The following GIGYF2 variants were observed in gnomAD, a reference collection of about 807,000 sequenced individuals.
GIGYF2 encodes GRB10 interacting GYF protein 2, also known as GRB10-interacting GYF protein 2.
A neutral mutation model predicts 208.1 loss-of-function variants in GIGYF2; 25 were observed. The observed-to-expected ratio is 0.12, with a 90% CI of 0.09 to 0.17. The LOEUF (loss-of-function observed/expected upper bound fraction) is 0.17. GIGYF2 is among the 10% of genes least tolerant of loss of function. GIGYF2 has a pLI of 1.00. For missense variants in GIGYF2, 1,302 were observed against 1,579.4 expected, an observed-to-expected ratio of 0.82 and a Z score of 2.98; for synonymous variants, 534 against 543.8, an observed-to-expected ratio of 0.98 and a Z score of 0.25.
chr2:232,721,188 C>T (rs1352591845), intron 2 of GIGYF2, among the ~76,000 whole-genome samples: 1 of 152,192 alleles, frequency 6.6e-6, no homozygotes, highest in Non-Finnish European at 1.5e-5. Context: ...CAAGTTCTCT[C>T]AGAATTCCTG....
intron 8 of GIGYF2, chr2:232,782,819 C>G (rs1247680401): frequency 6.6e-6 from 1 of 152,078 alleles, no homozygotes; most frequent in South Asian, 2.1e-4. Context: ...GCAGGCAAAG[C>G]TAATATTTGG....
chr2:232,731,790 T>G (rs1697508357), intron 2 of GIGYF2, among the ~76,000 whole-genome samples: 1 of 152,188 alleles, frequency 6.6e-6, no homozygotes, highest in East Asian at 1.9e-4. Context: ...GATTAATCAT[T>G]TTGTGCATTA....
At chr2:232,706,469 A>G (rs74353058) in intron 2 of GIGYF2, among the ~76,000 whole-genome samples, 1,878 of 152,176 alleles carry the variant, frequency 0.012, 46 homozygotes, top group African/African-American at 0.043. Context: ...CAGGGAGATC[A>G]TGTCTCTATG....
At chr2:232,700,670 A>G (rs1450329934) in intron 1 of GIGYF2, 14 of 152,106 alleles carry the variant, frequency 9.2e-5, no homozygotes, top group Non-Finnish European at 8.8e-5. Flanking sequence ...TTAAATGTCC[A>G]TTTTCCTTCA....
rs148979004 is a variant in GIGYF2, at chr2:232,834,508, C to T, written c.2766+1415C>T. On this transcript the variant is annotated intron_variant, in intron 22 of 28. Transcript: ENST00000373563. ...CTGGCTTTCAGCATTTTTACTATGACGTGTCTGTTTGTGGATCTCCTTGTG... is the reference window on the plus strand; with the variant it reads ...CTGGCTTTCAGCATTTTTACTATGATGTGTCTGTTTGTGGATCTCCTTGTG... Among the ~76,000 whole-genome samples the T allele has an allele frequency of 1.8e-3, 267 of 152,220 alleles. 2 individuals carry two copies. Among genetic ancestry groups the T allele is most frequent in the Middle Eastern group, 0.017 (5 of 294 alleles).
At position 232,845,770 on chromosome 2, in the gene GIGYF2, T is replaced by G. The variant is rs1701980037; in HGVS notation, c.3344T>G (p.Val1115Gly). The G allele has an allele frequency of 1.2e-6, 2 of 1,607,986 alleles. No individual in the cohort carries two copies. The highest frequency in any genetic ancestry group is 3.3e-5 in the Admixed American group (2 of 59,982). Residue 1115 changes from valine (V) to glycine (G), a missense_variant, in exon 26 of 29, where the codon GTA becomes GGA. Transcript: ENST00000373563. ...GTGTCTAACCGGCAGAATAAGAAAG[T>G]AGAAGAAGAAGAAAAGTTGCTGAAG... Reference protein sequence around the residue: ...VGVSNRQNKKVEEEEKLLKLF... With the variant: ...VGVSNRQNKKGEEEEKLLKLF...
rs996622347 is a variant in GIGYF2 at position 232,856,666 on chromosome 2, T to G, written c.3833-127T>G. 3 of 766,476 alleles carry G rather than the reference T, an allele frequency of 3.9e-6. No individual in the cohort carries two copies. In the African/African-American group the frequency reaches 5.1e-5, roughly 13 times the overall value. 47.5% of individuals were successfully genotyped at this position (766,476 alleles called of 1,614,324 possible). ...GAGATCACGCCACTGCACTCCAGCC[T>G]GGGTGACAGAGTGAAACCCTGTCTC... On this transcript the variant is annotated intron_variant, in intron 28 of 28. Transcript: ENST00000373563.
intron 2 of GIGYF2, chr2:232,734,503 C>T (rs1274064094): frequency 1.3e-5 from 2 of 152,176 alleles, no homozygotes; most frequent in Non-Finnish European, 2.9e-5. Context: ...GCCACCTTGC[C>T]TGGTGGTTCC....
Position 232,774,924 on chromosome 2 carries a change from G to C in GIGYF2, c.533-12226G>C, listed in dbSNP as rs145431155. ...TCATTTGGGCTTTTTCAGGACTGTT[G>C]TTACTTCTTACCTACAACTTTTGTA... is the stretch of plus-strand genomic sequence containing the variant. On this transcript the variant is annotated intron_variant, in intron 8 of 28. Transcript: ENST00000373563. Among the ~76,000 whole-genome samples the C allele has an allele frequency of 7.2e-4, 110 of 152,182 alleles. 3 individuals are homozygous for C. In the East Asian group the frequency reaches 0.02, roughly 28 times the overall value.
At chr2:232,776,587 C>A in intron 8 of GIGYF2, 1 of 720,140 alleles carries the variant, frequency 1.4e-6, no homozygotes, top group South Asian at 1.5e-5. Flanking sequence ...TTACATTCCT[C>A]TGTTTATAAT....
At position 232,749,065 on chromosome 2, in the gene GIGYF2, T is replaced by C. The variant is rs377476685; in HGVS notation, c.250T>C (p.Phe84Leu). The C allele has an allele frequency of 2.6e-5, 41 of 1,570,738 alleles. No homozygotes were observed. Among genetic ancestry groups the C allele is most frequent in the Non-Finnish European group, 3.4e-5 (39 of 1,140,562 alleles). Residue 84 changes from phenylalanine (F) to leucine (L), a missense_variant, in exon 5 of 29, where the codon TTT becomes CTT. Phe to Leu is a conservative substitution (Grantham distance 22). Transcript: ENST00000373563. ...EPLPPLALVP[F>L]TEEEQRNFSM... The stretch of plus-strand genomic sequence containing the variant: ...CCTTCCACCATTGGCTCTGGTACCC[T>C]TTACAGAAGAAGAACAGGTTTGTGA...
Position 232,856,889 on chromosome 2 carries a change from T to A in GIGYF2, c.*29T>A. On this transcript the variant is annotated 3_prime_UTR_variant, in exon 29 of 29. Transcript: ENST00000373563. ...CCTGCCAGTGGACTGGCCATCCCTC[T>A]CCTGTCTGCCGACTATGGAGTCTCC... is the stretch of plus-strand genomic sequence containing the variant. 6.6e-7 allele frequency: 1 copy of A among 1,504,678 alleles called. No individual in the cohort carries two copies. The highest frequency in any genetic ancestry group is 2.3e-5 in the East Asian group (1 of 44,362). The allele number at this position is 1,504,678 out of a possible 1,614,324, so 93.2% of individuals were successfully genotyped here. A position where few individuals can be genotyped will look rare whatever the true frequency, so the allele number is the denominator to read the frequency against.
intron 27 of GIGYF2, among the ~76,000 whole-genome samples, chr2:232,848,223 T>G (rs1158637411): frequency 6.6e-6 from 1 of 152,234 alleles, no homozygotes; most frequent in African/African-American, 2.4e-5. Flanking sequence ...TCACAACTAA[T>G]AGCACTACTA....
intron 3 of GIGYF2, among the ~76,000 whole-genome samples, chr2:232,739,668 T>A (rs983722027): frequency 3.3e-5 from 5 of 151,658 alleles, no homozygotes; most frequent in African/African-American, 1.2e-4. Context: ...CAAGACCCTG[T>A]CTCCCAAAAA....
intron 5 of GIGYF2, among the ~76,000 whole-genome samples, chr2:232,749,871 A>G (rs1574835032): frequency 6.6e-6 from 1 of 152,164 alleles, no homozygotes; most frequent in Non-Finnish European, 1.5e-5. Context: ...AGAGGGTTTT[A>G]AACTATGAAA....
At chr2:232,801,223 A>G (rs1008647423) in intron 14 of GIGYF2, among the ~76,000 whole-genome samples, 3 of 152,156 alleles carry the variant, frequency 2.0e-5, no homozygotes, top group Admixed American at 6.5e-5. Flanking sequence ...TTTATTAATT[A>G]CATTTTTAAA....
chr2:232,797,536 A>G (rs376904994), intron 14 of GIGYF2, among the ~76,000 whole-genome samples: 35 of 143,446 alleles, frequency 2.4e-4, no homozygotes, highest in African/African-American at 9.6e-4. Context: ...TTTTAACCAA[A>G]TTTATTTTGG....
chr2:232,768,103 T>C, intron 8 of GIGYF2: 28 of 1,331,206 alleles, frequency 2.1e-5, no homozygotes, highest in South Asian at 1.3e-4. Flanking sequence ...ATAATTAGCA[T>C]TGAAAAAAGA....
intron 26 of GIGYF2, 100 bp downstream of exon 26, chr2:232,845,986 A>T: frequency 1.2e-6 from 1 of 800,892 alleles, no homozygotes. Flanking sequence ...AAAAGATGAA[A>T]TCTAAGGAGG....
Sources: gnomAD v4.1 joint callset for allele counts (sites outside exome capture counted in the v4.1 genomes callset) on GRCh38, gnomAD v4.1.1 for gene constraint, MANE v1.5 for transcripts, NCBI Gene and HGNC (gene_info 2026-07-23, HGNC 2026-07-21) for gene names.